Variants in CEP72 observed in about 807,000 individuals in gnomAD.
CEP72 encodes the protein centrosomal protein of 72 kDa.
Under a neutral mutation model 65.7 loss-of-function variants are expected in CEP72, and 78 were observed. The ratio of observed to expected loss-of-function variants is 1.19; its 90% confidence interval spans 0.99 to 1.43. The LOEUF (loss-of-function observed/expected upper bound fraction) is 1.43, where lower values mean the gene tolerates loss of function less well. Among genes scored for constraint, CEP72 ranks in the 40% most tolerant of loss-of-function variants. The pLI is 0.00. For synonymous variants in CEP72, 358 were observed against 351.7 expected, an observed-to-expected ratio of 1.02 and a Z score of -0.20; for missense variants, 914 against 832.9, an observed-to-expected ratio of 1.10 and a Z score of -1.20.
At chr5:614,760 G>A (rs1735886454) in intron 1 of CEP72, among the ~76,000 whole-genome samples, 1 of 152,172 alleles carries the variant, frequency 6.6e-6, no homozygotes. Flanking sequence ...AACATAATCT[G>A]TATGATTTTA....
chr5:637,934 T>TCAG, intron 7 of CEP72, 116 bp downstream of exon 7: 5 of 1,011,086 alleles, frequency 4.9e-6, no homozygotes, highest in Non-Finnish European at 7.0e-6. Flanking sequence ...CCCTCCCTGA[T>TCAG]GCAGGGCTGT....
chr5:637,927 T>A, intron 7 of CEP72, 109 bp downstream of exon 7: 1 of 1,082,294 alleles, frequency 9.2e-7, no homozygotes, highest in Non-Finnish European at 1.3e-6. Flanking sequence ...ACTGTGTCCC[T>A]CCCTGATGCA....
the CEP72 span, among the ~76,000 whole-genome samples, chr5:674,943 C>T: frequency 6.7e-6 from 1 of 150,156 alleles, no homozygotes; most frequent in Non-Finnish European, 1.5e-5. Context: ...AGCCACAGTC[C>T]TGAGGGAGGT....
chr5:614,131 G>A (rs1268731538), intron 1 of CEP72, among the ~76,000 whole-genome samples: 1 of 152,120 alleles, frequency 6.6e-6, no homozygotes, highest in Non-Finnish European at 1.5e-5. Flanking sequence ...GTTATTGATA[G>A]TTTCAAAGAA....
In CEP72 at chr5:633,832, G is replaced by A. The variant is rs201231216; in HGVS notation, c.576G>A (p.Ala192=). 1.5e-4 allele frequency: 235 copies of A among 1,614,044 alleles called. No individual in the cohort carries two copies. The East Asian group carries it at 3.8e-3, about 26-fold the overall frequency. ...CCAAGCAGAGCCTGGTCATGGATGC[G>A]GATGACGAGGCAGTCCTGAACCTCA... The part of the protein sequence containing the change: ...ALAKQSLVMD[A]DDEAVLNLIA... The change falls in exon 5 of 12, where the codon GCG becomes GCA. Residue 192 remains alanine, a synonymous_variant. Transcript: ENST00000264935.
In CEP72 at chr5:624,392, C is replaced by A; in HGVS notation, c.404-79C>A. ...TGGCCCCGAGGGGATGGACACCCTG[C>A]CCCGTGTAGATGCCCCAGGGTGGAT... On this transcript the variant is annotated intron_variant, in intron 3 of 11. Coordinates refer to ENST00000264935, the MANE Select transcript of CEP72 (RefSeq NM_018140.4). The surrounding 1 kb of genome is among the most constrained non-coding windows in gnomAD (Gnocchi z 4.7). 1.0e-6 allele frequency: 1 copy of A among 957,572 alleles called. No homozygotes were observed. The highest frequency in any genetic ancestry group is 1.7e-6 in the Non-Finnish European group (1 of 592,034). The allele number at this position is 957,572 out of a possible 1,614,324, so 59.3% of individuals were successfully genotyped here.
chr5:653,249 A>G lies in CEP72; in HGVS notation c.*96A>G. 1 of 1,220,740 alleles carries G rather than the reference A, an allele frequency of 8.2e-7. No individual in the cohort carries two copies. The allele number at this position is 1,220,740 out of a possible 1,614,324, so 75.6% of individuals were successfully genotyped here. A position where few individuals can be genotyped will look rare whatever the true frequency, so the allele number is the denominator to read the frequency against. Reference sequence around the variant, plus strand: ...TTTATTGAGTGTACTGGCTGGCAAGAGTTCTCTCTTCTGTTGGTAATTATT... The same window carrying G: ...TTTATTGAGTGTACTGGCTGGCAAGGGTTCTCTCTTCTGTTGGTAATTATT... On this transcript the variant is annotated 3_prime_UTR_variant, in exon 12 of 12. Coordinates refer to ENST00000264935, the MANE Select transcript of CEP72 (RefSeq NM_018140.4).
downstream of CEP72, among the ~76,000 whole-genome samples, chr5:670,932 G>A (rs908785279): frequency 3.3e-5 from 5 of 152,178 alleles, no homozygotes; most frequent in East Asian, 1.9e-4. Context: ...TCAGGAAACC[G>A]GAGCCCTTCC....
the CEP72 span, among the ~76,000 whole-genome samples, chr5:673,445 T>C: frequency 6.6e-6 from 1 of 151,448 alleles, no homozygotes; most frequent in Non-Finnish European, 1.5e-5. Context: ...CAGGGGTCCA[T>C]GGCTGCAGGT....
chr5:667,893 C>T (rs1382753434), downstream of CEP72, among the ~76,000 whole-genome samples: 2 of 81,542 alleles, frequency 2.5e-5, no homozygotes, highest in Non-Finnish European at 4.5e-5. Flanking sequence ...GAGAGGGGGC[C>T]GTGTGGGCGC....
intron 1 of CEP72, among the ~76,000 whole-genome samples, chr5:616,438 A>G (rs1735994086): frequency 6.7e-6 from 1 of 149,882 alleles, no homozygotes; most frequent in Non-Finnish European, 1.5e-5. Context: ...TGTTAGACCT[A>G]AGTTCTGTGT....
chr5:652,283 G>A (rs893630398), intron 11 of CEP72, among the ~76,000 whole-genome samples: 2 of 152,202 alleles, frequency 1.3e-5, no homozygotes, highest in Non-Finnish European at 2.9e-5. Flanking sequence ...GCTTCATCCA[G>A]TCCTGGCCTG....
intron 1 of CEP72, among the ~76,000 whole-genome samples, chr5:613,180 C>A (rs1190325242): frequency 1.3e-5 from 2 of 152,114 alleles, no homozygotes; most frequent in Non-Finnish European, 2.9e-5. Context: ...TTCTGGTGTT[C>A]TGTTGTTAGC....
chr5:649,894 G>T (rs1461063603), intron 11 of CEP72, among the ~76,000 whole-genome samples: 2 of 131,116 alleles, frequency 1.5e-5, no homozygotes, highest in Non-Finnish European at 3.3e-5. Context: ...GTGGGACTGT[G>T]AGGTGTGACT....
In CEP72 at chr5:648,615, C is replaced by T. The variant is rs867280867; in HGVS notation, c.1778+699C>T. Among the ~76,000 whole-genome samples the T allele has an allele frequency of 1.2e-3, 90 of 73,106 alleles. 2 individuals are homozygous for T. The highest frequency in any genetic ancestry group is 4.7e-3 in the African/African-American group (75 of 15,910). The allele number at this position is 73,106 out of a possible 152,430, so 48.0% of individuals were successfully genotyped here. On this transcript the variant is annotated intron_variant, in intron 11 of 11. Transcript: ENST00000264935. ...TGACTGTGAGGCGTGGACTGTGAGG[C>T]GTGGACTGTGAGGCGTGGACTGTGA... is the stretch of plus-strand genomic sequence containing the variant.
intron 6 of CEP72, among the ~76,000 whole-genome samples, chr5:636,380 A>G (rs547724343): frequency 1.2e-4 from 19 of 152,284 alleles, no homozygotes; most frequent in African/African-American, 3.6e-4. Flanking sequence ...TCACTAATGC[A>G]CACACACTTT....
chr5:635,266 G>T (rs1039895483), intron 5 of CEP72, 106 bp from the exon 6 acceptor site: 5 of 816,820 alleles, frequency 6.1e-6, no homozygotes, highest in Non-Finnish European at 7.8e-6. Flanking sequence ...TTAACCCCTC[G>T]GTCTAACAGA....
At chr5:638,288 G>A (rs995235915) in intron 7 of CEP72, among the ~76,000 whole-genome samples, 7 of 152,152 alleles carry the variant, frequency 4.6e-5, no homozygotes, top group Non-Finnish European at 1.5e-5. Context: ...GATCCTGGAG[G>A]TCGCTGTGAT....
At chr5:663,681 C>G (rs545141021) in intron 2 of CEP72, 1 of 152,506 alleles carries the variant, frequency 6.6e-6, no homozygotes, top group Admixed American at 6.5e-5. Flanking sequence ...TCGCCACCCT[C>G]CTGTACTGTG....
Sources: gnomAD v4.1 joint callset for allele counts (sites outside exome capture counted in the v4.1 genomes callset) on GRCh38, gnomAD v4.1.1 for gene constraint, Gnocchi (gnomAD v3.1) non-coding constraint, MANE v1.5 for transcripts, NCBI Gene and HGNC (gene_info 2026-07-23, HGNC 2026-07-21) for gene names.